The following CHCHD3 variants were observed in gnomAD, a reference collection of about 807,000 sequenced individuals.
CHCHD3 encodes MICOS complex subunit MIC19.
Under a neutral mutation model 38.2 loss-of-function variants are expected in CHCHD3, and 20 were observed. The ratio of observed to expected loss-of-function variants is 0.52; its 90% CI spans 0.37 to 0.76. The LOEUF (loss-of-function observed/expected upper bound fraction) is 0.76, where lower values mean the gene tolerates loss of function less well. Ranked by LOEUF, CHCHD3 falls within the 30% of genes least tolerant of loss-of-function variation. The probability of loss-of-function intolerance (pLI) is 0.00; values close to 1 mark genes in which losing one functional copy is unlikely to be tolerated. For missense variants in CHCHD3, 245 were observed against 279.2 expected (o/e 0.88, Z 0.87); for synonymous variants, 82 against 100.0 (o/e 0.82, Z 1.07).
chr7:132,806,115 G>A (rs1806914078), intron 6 of CHCHD3, among the ~76,000 whole-genome samples: 1 of 152,172 alleles, frequency 6.6e-6, no homozygotes, highest in South Asian at 2.1e-4. Flanking sequence ...GGAGCAGTAG[G>A]GGAACTGACC....
At chr7:132,972,916 A>T in intron 4 of CHCHD3, 3 of 985,468 alleles carry the variant, frequency 3.0e-6, no homozygotes, top group Non-Finnish European at 3.6e-6. Flanking sequence ...AGCAGTAAAG[A>T]CAGACAATAG....
chr7:132,910,376 G>A (rs574476252), intron 4 of CHCHD3, among the ~76,000 whole-genome samples: 14 of 152,292 alleles, frequency 9.2e-5, no homozygotes, highest in Admixed American at 7.8e-4. Flanking sequence ...TCCTATACTT[G>A]CCTGTATTGT....
intron 3 of CHCHD3, among the ~76,000 whole-genome samples, chr7:133,004,263 G>C (rs760536994): frequency 6.6e-5 from 10 of 152,100 alleles, no homozygotes; most frequent in Non-Finnish European, 1.3e-4. Context: ...CACCCAGCAG[G>C]CCTTAAAGAT....
chr7:132,882,340 G>C (rs1007055809), intron 5 of CHCHD3, among the ~76,000 whole-genome samples: 1 of 152,024 alleles, frequency 6.6e-6, no homozygotes, highest in Non-Finnish European at 1.5e-5. Context: ...CGAGTATTAA[G>C]TAACAGCAGT....
chr7:132,789,142 C>T (rs768956505), intron 7 of CHCHD3, among the ~76,000 whole-genome samples: 21 of 152,178 alleles, frequency 1.4e-4, no homozygotes, highest in Non-Finnish European at 2.4e-4. Flanking sequence ...TCCGTAAGTA[C>T]TGCTGTTGGG....
chr7:132,811,767 C>A (rs935509860), intron 6 of CHCHD3, among the ~76,000 whole-genome samples: 2 of 152,186 alleles, frequency 1.3e-5, no homozygotes, highest in Non-Finnish European at 2.9e-5. Flanking sequence ...TTCCTCCCGG[C>A]TCTCTGGCTC....
chr7:132,940,970 T>C (rs1010246387), intron 4 of CHCHD3, among the ~76,000 whole-genome samples: 8 of 152,256 alleles, frequency 5.3e-5, no homozygotes, highest in Admixed American at 4.6e-4. Flanking sequence ...AATTCCAATA[T>C]AACCCAAGAA....
chr7:132,927,359 C>G (rs1018879002), intron 4 of CHCHD3, among the ~76,000 whole-genome samples: 2 of 152,220 alleles, frequency 1.3e-5, no homozygotes, highest in Non-Finnish European at 2.9e-5. Context: ...CCTAACTTAA[C>G]AGCCGTCAAC....
At chr7:132,953,434 C>A (rs1428145897) in intron 4 of CHCHD3, among the ~76,000 whole-genome samples, 2 of 152,138 alleles carry the variant, frequency 1.3e-5, no homozygotes, top group African/African-American at 4.8e-5. Context: ...CAGAACAGAT[C>A]TGACCTTAGG....
intron 6 of CHCHD3, among the ~76,000 whole-genome samples, chr7:132,822,635 T>C (rs1348873710): frequency 6.6e-6 from 1 of 152,040 alleles, no homozygotes; most frequent in South Asian, 2.1e-4. Context: ...TATGTACATG[T>C]CCTATATCAG....
chr7:132,831,249 T>C (rs1342181041), intron 6 of CHCHD3, among the ~76,000 whole-genome samples: 2 of 152,204 alleles, frequency 1.3e-5, no homozygotes, highest in African/African-American at 4.8e-5. Flanking sequence ...ACAATTTGTG[T>C]TCAGCAGAAA....
At chr7:132,790,420 G>T (rs559848731) in intron 7 of CHCHD3, among the ~76,000 whole-genome samples, 7 of 152,266 alleles carry the variant, frequency 4.6e-5, no homozygotes, top group Middle Eastern at 3.4e-3. Flanking sequence ...ATGTCACGAA[G>T]CAACGATTAC....
Position 132,975,278 on chromosome 7 carries a change from T to G in CHCHD3, c.260A>C (p.Gln87Pro). 1 of 1,612,458 alleles carries G rather than the reference T, an allele frequency of 6.2e-7. No homozygotes were observed. Among genetic ancestry groups the G allele is most frequent in the Non-Finnish European group, 8.5e-7 (1 of 1,179,460 alleles). ...CCTCTCTCGGTCCAGCTCTTTGGCT[T>G]GCTTTAGTCTAAAATGACAAGAATT... ...KESEDQKRLK[Q>P]AKELDRERAA... Residue 87 changes from glutamine (Q) to proline (P), a missense_variant, in exon 4 of 8, where the codon CAA (glutamine) becomes CCA (proline). Coordinates refer to ENST00000262570, the MANE Select transcript of CHCHD3 (RefSeq NM_017812.4).
At chr7:132,869,720 A>T (rs1585588937) in intron 5 of CHCHD3, among the ~76,000 whole-genome samples, 1 of 151,778 alleles carries the variant, frequency 6.6e-6, no homozygotes, top group Middle Eastern at 3.2e-3. Flanking sequence ...AGTAGCTGGG[A>T]CCACAGGCAC....
chr7:132,850,456 T>G (rs1019781727), intron 5 of CHCHD3, among the ~76,000 whole-genome samples: 17 of 151,530 alleles, frequency 1.1e-4, no homozygotes, highest in Admixed American at 3.3e-4. Flanking sequence ...TTTTGTTTTT[T>G]TTTTTTTTCT....
chr7:133,075,749 T>C (rs914057080), intron 1 of CHCHD3, among the ~76,000 whole-genome samples: 5 of 152,194 alleles, frequency 3.3e-5, no homozygotes, highest in African/African-American at 1.2e-4. Context: ...GCTTCTGCGA[T>C]GGCAGCCTCT....
intron 4 of CHCHD3, among the ~76,000 whole-genome samples, chr7:132,924,836 C>G (rs931535860): frequency 1.3e-5 from 2 of 152,190 alleles, no homozygotes; most frequent in African/African-American, 4.8e-5. Flanking sequence ...ACATACAGCA[C>G]TCGGCATGCA....
chr7:133,031,039 T>C (rs1349640615), intron 2 of CHCHD3, among the ~76,000 whole-genome samples: 2 of 152,196 alleles, frequency 1.3e-5, no homozygotes, highest in Non-Finnish European at 2.9e-5. Context: ...TAGGAATCTT[T>C]TGACCCACTT....
chr7:132,909,344 A>T (rs1054982196), intron 4 of CHCHD3, among the ~76,000 whole-genome samples: 1 of 152,038 alleles, frequency 6.6e-6, no homozygotes, highest in African/African-American at 2.4e-5. Flanking sequence ...AAACACAAAA[A>T]TTAGCCAGGT....
Sources: allele counts gnomAD v4.1 joint callset (sites outside exome capture counted in the v4.1 genomes callset), GRCh38; gene constraint gnomAD v4.1.1; transcripts MANE v1.5; gene names NCBI Gene and HGNC (gene_info 2026-07-23, HGNC 2026-07-21).